SMARCA4: variants seen among roughly 807,000 people sequenced by gnomAD.
The protein encoded by SMARCA4 is SWI/SNF related BAF chromatin remodeling complex subunit ATPase 4, also known as SWI/SNF-related matrix-associated actin-dependent regulator of chromatin subfamily A member 4.
A neutral mutation model predicts 193.9 loss-of-function variants in SMARCA4; 31 were observed. The ratio of observed to expected loss-of-function variants is 0.16; its 90% CI spans 0.12 to 0.22. The LOEUF is 0.22. Among genes scored for constraint, SMARCA4 ranks in the 10% least tolerant of loss-of-function variants. The probability of loss-of-function intolerance (pLI) is 1.00; values close to 1 mark genes in which losing one functional copy is unlikely to be tolerated. For synonymous variants in SMARCA4, 942 were observed against 933.1 expected, an observed-to-expected ratio of 1.01 and a Z score of -0.17; for missense variants, 1,148 against 2,296.0, an observed-to-expected ratio of 0.50 and a Z score of 10.22.
At chr19:11,042,406 G>A (rs1420654449) in intron 30 of SMARCA4, among the ~76,000 whole-genome samples, 2 of 152,248 alleles carry the variant, frequency 1.3e-5, no homozygotes, top group Non-Finnish European at 2.9e-5. Context: ...GCCAGCAAAG[G>A]TGTAAGGCCC....
At chr19:11,051,249 T>C (rs1334532931) in intron 30 of SMARCA4, among the ~76,000 whole-genome samples, 4 of 151,996 alleles carry the variant, frequency 2.6e-5, no homozygotes, top group Admixed American at 6.5e-5. Flanking sequence ...AGGCAACTGG[T>C]TTAGAAGAAT....
chr19:11,015,475 G>C (rs991634989), intron 16 of SMARCA4, among the ~76,000 whole-genome samples: 4 of 152,156 alleles, frequency 2.6e-5, no homozygotes, highest in African/African-American at 9.7e-5. Flanking sequence ...CGCCCTGCTT[G>C]ATGTGCCTTA....
intron 7 of SMARCA4, 72 bp from the exon 8 acceptor site, chr19:10,991,078 A>G (rs1029762853): frequency 1.9e-5 from 30 of 1,597,114 alleles, no homozygotes; most frequent in African/African-American, 2.7e-5. Flanking sequence ...ATGTGACATC[A>G]CCATACGTGT....
rs2075621986 is a variant in SMARCA4 at position 11,041,646 on chromosome 19, G to A, written c.4424+86G>A. 9 of 1,219,378 alleles carry A rather than the reference G, an allele frequency of 7.4e-6. No individual in the cohort carries two copies. The highest frequency in any genetic ancestry group is 1.1e-5 in the Non-Finnish European group (9 of 853,658). The allele number at this position is 1,219,378 out of a possible 1,614,324, so 75.5% of individuals were successfully genotyped here. The stretch of plus-strand genomic sequence containing the variant: ...TCTGCACTCTGACTCTGCACACTCA[G>A]GCTTGGGCCGCTCACTCTTTCACTC... On this transcript the variant is annotated intron_variant, in intron 30 of 34. Coordinates refer to ENST00000344626, the MANE Select transcript of SMARCA4 (RefSeq NM_003072.5). The surrounding 1 kb of genome is among the most constrained non-coding windows in gnomAD (Gnocchi z 5.6).
chr19:10,984,924 A>T lies in SMARCA4; in HGVS notation c.223-349A>T, dbSNP rs547156094. 6.6e-6 allele frequency among the ~76,000 whole-genome samples: 1 copy of T among 152,192 alleles called. No homozygotes were observed. Among genetic ancestry groups the T allele is most frequent in the Non-Finnish European group, 1.5e-5 (1 of 68,040 alleles). ...ATGTGGTTAGAGGACATATTCCCTT[A>T]TACATACAGCATCTGAAAGGAAAGG... is the stretch of plus-strand genomic sequence containing the variant. On this transcript the variant is annotated intron_variant, in intron 2 of 34. Transcript: ENST00000344626. The surrounding 1 kb of genome is among the most constrained non-coding windows in gnomAD (Gnocchi z 4.3).
chr19:11,019,455 C>A lies in SMARCA4; in HGVS notation c.2506-136C>A. ...GGGGACGCGCCAGCGGCCCTGCCAG[C>A]CCCTTTCCCCACTACCCCTGTGAGG... On this transcript the variant is annotated intron_variant, in intron 17 of 34. Transcript: ENST00000344626. This position sits in a 1 kb window ranked among gnomAD's most constrained non-coding sequence, Gnocchi z 6.1. 1 of 673,456 alleles carries A rather than the reference C, an allele frequency of 1.5e-6. No individual in the cohort carries two copies. The highest frequency in any genetic ancestry group is 2.7e-6 in the Non-Finnish European group (1 of 369,950). 41.7% of individuals were successfully genotyped at this position (673,456 alleles called of 1,614,324 possible). A position where few individuals can be genotyped will look rare whatever the true frequency, so the allele number is the denominator to read the frequency against.
In SMARCA4 at chr19:10,984,529, A is replaced by G. The variant is rs1486941656; in HGVS notation, c.222+156A>G. ...GCCCCCTACCCCAGGGCCCACGGCC[A>G]TGAACAGAAGGTTCAGCTCGTCAGA... On this transcript the variant is annotated intron_variant, in intron 2 of 34. Coordinates refer to ENST00000344626, the MANE Select transcript of SMARCA4 (RefSeq NM_003072.5). The surrounding 1 kb of genome is among the most constrained non-coding windows in gnomAD (Gnocchi z 4.3). 6.6e-6 allele frequency among the ~76,000 whole-genome samples: 1 copy of G among 152,234 alleles called. No individual in the cohort carries two copies.
At position 10,985,151 on chromosome 19, in the gene SMARCA4, G is replaced by C. The variant is rs2085904759; in HGVS notation, c.223-122G>C. 1 of 968,782 alleles carries C rather than the reference G, an allele frequency of 1.0e-6. No homozygotes were observed. The highest frequency in any genetic ancestry group is 1.6e-6 in the Non-Finnish European group (1 of 610,322). The allele number at this position is 968,782 out of a possible 1,614,324, so 60.0% of individuals were successfully genotyped here. On this transcript the variant is annotated intron_variant, in intron 2 of 34. Transcript: ENST00000344626. The surrounding 1 kb of genome is among the most constrained non-coding windows in gnomAD (Gnocchi z 4.5). ...TTGGAGTCATGCTGGGGACTGGGGA[G>C]ATGCGCGTCATCTTCGGGTGGCTGT...
intron 30 of SMARCA4, among the ~76,000 whole-genome samples, chr19:11,044,830 T>G (rs937459883): frequency 2.0e-5 from 3 of 152,230 alleles, no homozygotes; most frequent in Admixed American, 6.5e-5. Flanking sequence ...TGAGTGCATC[T>G]GTCCACACCG....
intron 16 of SMARCA4, among the ~76,000 whole-genome samples, chr19:11,014,928 T>C (rs1199624830): frequency 6.6e-6 from 1 of 152,088 alleles, no homozygotes; most frequent in Non-Finnish European, 1.5e-5. Flanking sequence ...TTCTCCTGCC[T>C]CAGCCTCCCG....
rs900780800 is a variant in SMARCA4 at position 11,062,029 on chromosome 19, T to C, written c.*213T>C. 3.3e-6 allele frequency: 2 copies of C among 604,862 alleles called. No individual in the cohort carries two copies. Among genetic ancestry groups the C allele is most frequent in the Non-Finnish European group, 3.0e-6 (1 of 336,040 alleles). 37.5% of individuals were successfully genotyped at this position (604,862 alleles called of 1,614,324 possible). ...CAGTAGCATCTGTAACAGCATTAAC[T>C]GTCTTAAAGAGAGAGAGAGAGAATT... On this transcript the variant is annotated 3_prime_UTR_variant, in exon 35 of 35. Coordinates refer to ENST00000344626, the MANE Select transcript of SMARCA4 (RefSeq NM_003072.5).
intron 16 of SMARCA4, among the ~76,000 whole-genome samples, chr19:11,016,724 G>GT (rs947505889): frequency 3.4e-4 from 51 of 152,006 alleles, no homozygotes; most frequent in African/African-American, 1.2e-3. Context: ...CAGTGGCTGG[G>GT]TTTTTTTTGT....
Position 10,979,457 on chromosome 19 carries a change from A to G in SMARCA4, c.-31-4664A>G, listed in dbSNP as rs1413914767. Reference sequence around the variant, plus strand: ...ACAGGGTCTTTCTCTGTTGCCCACGATCATGGCTCACTGCAGCCTTGACCT... The same window carrying G: ...ACAGGGTCTTTCTCTGTTGCCCACGGTCATGGCTCACTGCAGCCTTGACCT... On this transcript the variant is annotated intron_variant, in intron 1 of 34. Transcript: ENST00000344626. 2.8e-5 allele frequency among the ~76,000 whole-genome samples: 4 copies of G among 145,252 alleles called. No homozygotes were observed. The East Asian group carries it at 8.0e-4, about 29-fold the overall frequency.
intron 1 of SMARCA4, among the ~76,000 whole-genome samples, chr19:10,964,100 G>A (rs2145407075): frequency 6.6e-6 from 1 of 152,264 alleles, no homozygotes; most frequent in South Asian, 2.1e-4. Flanking sequence ...ATATAGGGCA[G>A]TGCAGTGGTC....
rs771845495 is a variant in SMARCA4, at chr19:10,986,868, A to G, written c.761-37A>G. On this transcript the variant is annotated intron_variant, in intron 4 of 34. Coordinates refer to ENST00000344626, the MANE Select transcript of SMARCA4 (RefSeq NM_003072.5). This position sits in a 1 kb window ranked among gnomAD's most constrained non-coding sequence, Gnocchi z 6.7. ...GGCTGGGCGCAGGCATAAACCTGGGACGCACTGTTTTCTCTTTTGTTTCTC... is the reference window on the plus strand; with the variant it reads ...GGCTGGGCGCAGGCATAAACCTGGGGCGCACTGTTTTCTCTTTTGTTTCTC... The G allele has an allele frequency of 6.5e-7, 1 of 1,539,476 alleles. No homozygotes were observed. Among genetic ancestry groups the G allele is most frequent in the Non-Finnish European group, 9.0e-7 (1 of 1,112,624 alleles).
intron 16 of SMARCA4, among the ~76,000 whole-genome samples, chr19:11,018,608 A>G (rs564043638): frequency 6.6e-6 from 1 of 152,300 alleles, no homozygotes; most frequent in East Asian, 1.9e-4. Context: ...CTGGGCGTGA[A>G]GCCTGTGCTC....
chr19:11,036,756 G>A (rs773341834), intron 29 of SMARCA4, among the ~76,000 whole-genome samples: 1 of 151,818 alleles, frequency 6.6e-6, no homozygotes, highest in African/African-American at 2.4e-5. Flanking sequence ...CATTCTCATC[G>A]CCCCCAAAAG....
At chr19:11,061,368 C>T (rs1047297365) in intron 34 of SMARCA4, among the ~76,000 whole-genome samples, 1 of 151,222 alleles carries the variant, frequency 6.6e-6, no homozygotes, top group African/African-American at 2.4e-5. Context: ...TCGAAGGTCC[C>T]GAGAGGGCCG....
chr19:10,998,231 G>A (rs2087271575), intron 11 of SMARCA4, among the ~76,000 whole-genome samples: 1 of 152,190 alleles, frequency 6.6e-6, no homozygotes, highest in African/African-American at 2.4e-5. Context: ...TGGTTTGTCT[G>A]ATGTTCCTTG....
Sources: allele counts gnomAD v4.1 joint callset (sites outside exome capture counted in the v4.1 genomes callset), GRCh38; gene constraint gnomAD v4.1.1; non-coding constraint Gnocchi (gnomAD v3.1); transcripts MANE v1.5; gene names NCBI Gene and HGNC (gene_info 2026-07-23, HGNC 2026-07-21).